The following TEK variants were observed in gnomAD, a reference collection of about 807,000 sequenced individuals.
TEK encodes the protein TEK receptor tyrosine kinase.
TEK carries 43 observed loss-of-function variants against 131.8 expected under a neutral mutation model. The ratio of observed to expected loss-of-function variants is 0.33; its 90% CI spans 0.26 to 0.42. The LOEUF (loss-of-function observed/expected upper bound fraction) is 0.42, where lower values mean the gene tolerates loss of function less well. Among genes scored for constraint, TEK ranks in the 10% least tolerant of loss-of-function variants. The pLI, the probability that TEK is intolerant of heterozygous loss-of-function variation, is 1.00. For missense variants in TEK, 1,162 were observed against 1,384.4 expected (o/e 0.84, Z 2.55); for synonymous variants, 580 against 491.6 (o/e 1.18, Z -2.38).
At chr9:27,144,804 C>T (rs1822855093) in intron 1 of TEK, among the ~76,000 whole-genome samples, 2 of 152,176 alleles carry the variant, frequency 1.3e-5, no homozygotes, top group Admixed American at 1.3e-4. Flanking sequence ...TATGTCCCCT[C>T]TAGTGAGCTG....
intron 16 of TEK, 44 bp downstream of exon 16, chr9:27,209,275 A>C (rs1564099663): frequency 4.3e-6 from 6 of 1,386,436 alleles, no homozygotes; most frequent in Admixed American, 1.7e-5. Flanking sequence ...GTTTTTATAA[A>C]ACAGACAAAT....
rs192172101 is a variant in TEK at position 27,172,505 on chromosome 9, T to C, written c.629-111T>C. 1.5e-4 allele frequency: 215 copies of C among 1,457,506 alleles called. No homozygotes were observed. The African/African-American group carries it at 2.6e-3, about 18-fold the overall frequency. The allele number at this position is 1,457,506 out of a possible 1,614,324, so 90.3% of individuals were successfully genotyped here. A position where few individuals can be genotyped will look rare whatever the true frequency, so the allele number is the denominator to read the frequency against. On this transcript the variant is annotated intron_variant, in intron 4 of 22. Coordinates refer to ENST00000380036, the MANE Select transcript of TEK (RefSeq NM_000459.5). ...CTTTTAGAGAGCAGAGCCTGTATTTTATCTTTATTCACCATTGTCCACTGA... is the reference window on the plus strand; with the variant it reads ...CTTTTAGAGAGCAGAGCCTGTATTTCATCTTTATTCACCATTGTCCACTGA...
chr9:27,199,949 A>C (rs910569606), intron 12 of TEK, among the ~76,000 whole-genome samples: 9 of 152,146 alleles, frequency 5.9e-5, no homozygotes, highest in Non-Finnish European at 1.2e-4. Context: ...GGTCATAAAC[A>C]TATTCTCTGT....
chr9:27,140,396 G>GA lies in TEK; in HGVS notation c.53-17417dup, dbSNP rs59569720. 1.0e-2 allele frequency among the ~76,000 whole-genome samples: 1,133 copies of GA among 113,402 alleles called. 23 individuals are homozygous for GA. In the East Asian group the frequency reaches 0.18, roughly 18 times the overall value. 74.4% of individuals were successfully genotyped at this position (113,402 alleles called of 152,430 possible). On this transcript the variant is annotated intron_variant, in intron 1 of 22. Coordinates refer to ENST00000380036, the MANE Select transcript of TEK (RefSeq NM_000459.5). ...TTGTGAAACTTACATTAGCAAAAAA[G>GA]AAAAAAAAAAAAAAAAAAGAAACAT...
Position 27,115,517 on chromosome 9 carries a change from A to T in TEK, c.52+5875A>T, listed in dbSNP as rs557626373. ...TTGTCTCAAAAAAAACAACAAACAAACAAACGAAACTAAATTGAACATAAA... is the reference window on the plus strand; with the variant it reads ...TTGTCTCAAAAAAAACAACAAACAATCAAACGAAACTAAATTGAACATAAA... On this transcript the variant is annotated intron_variant, in intron 1 of 22. Coordinates refer to ENST00000380036, the MANE Select transcript of TEK (RefSeq NM_000459.5). Among the ~76,000 whole-genome samples, 134 of 152,232 alleles carry T rather than the reference A, an allele frequency of 8.8e-4. 3 individuals carry two copies. In the South Asian group the frequency reaches 0.022, roughly 25 times the overall value.
chr9:27,206,031 GAGAA>G (rs1825387472), intron 14 of TEK, among the ~76,000 whole-genome samples: 2 of 152,328 alleles, frequency 1.3e-5, no homozygotes, highest in Non-Finnish European at 1.5e-5. Context: ...TTGAATTCAG[GAGAA>G]AGAGATACTG....
Position 27,206,700 on chromosome 9 carries a change from A to G in TEK, c.2483A>G (p.Asp828Gly), listed in dbSNP as rs532313466. 1.2e-6 allele frequency: 2 copies of G among 1,614,110 alleles called. No homozygotes were observed. The highest frequency in any genetic ancestry group is 1.1e-5 in the South Asian group (1 of 91,074). The part of the protein sequence containing the change: ...VLDWNDIKFQ[D>G]VIGEGNFGQV... ...GACTGGAATGACATCAAATTTCAAG[A>G]TGTGATTGGGGAGGGCAATTTTGGC... The change falls in exon 15 of 23, where the codon GAT becomes GGT. Residue 828 changes from aspartate to glycine, a missense_variant. Coordinates refer to ENST00000380036, the MANE Select transcript of TEK (RefSeq NM_000459.5).
chr9:27,179,615 A>T (rs1159324389), intron 6 of TEK, among the ~76,000 whole-genome samples: 1 of 152,194 alleles, frequency 6.6e-6, no homozygotes, highest in African/African-American at 2.4e-5. Context: ...GGTAGGATTC[A>T]AACCTCAAAC....
At chr9:27,145,515 A>G (rs746759966) in intron 1 of TEK, among the ~76,000 whole-genome samples, 3 of 152,206 alleles carry the variant, frequency 2.0e-5, no homozygotes, top group Non-Finnish European at 4.4e-5. Context: ...GTGCCATGAT[A>G]ATACCAATAG....
chr9:27,137,244 C>T (rs669441), intron 1 of TEK, among the ~76,000 whole-genome samples: 104,519 of 152,006 alleles, frequency 0.69, 36,112 homozygotes, highest in South Asian at 0.76. Context: ...TAAAACTTCA[C>T]GGATATTTTC....
intron 1 of TEK, among the ~76,000 whole-genome samples, chr9:27,117,228 C>T (rs1821607486): frequency 6.6e-6 from 1 of 152,178 alleles, no homozygotes; most frequent in African/African-American, 2.4e-5. Context: ...GGGCCTGACA[C>T]TGGAGCACCA....
chr9:27,225,848 G>T (rs1226223771), intron 21 of TEK, among the ~76,000 whole-genome samples: 1 of 152,006 alleles, frequency 6.6e-6, no homozygotes, highest in Non-Finnish European at 1.5e-5. Context: ...TCTGACAAAG[G>T]GCTAATATCC....
At chr9:27,119,133 A>G (rs1821683253) in intron 1 of TEK, among the ~76,000 whole-genome samples, 1 of 152,134 alleles carries the variant, frequency 6.6e-6, no homozygotes, top group South Asian at 2.1e-4. Flanking sequence ...ATCCTGACTG[A>G]CCACATGTCT....
At chr9:27,200,440 G>T (rs980913995) in intron 12 of TEK, among the ~76,000 whole-genome samples, 5 of 152,154 alleles carry the variant, frequency 3.3e-5, no homozygotes, top group Non-Finnish European at 5.9e-5. Flanking sequence ...ACTTGCCTTG[G>T]ATGATTGTAT....
At position 27,109,309 on chromosome 9, in the gene TEK, C is replaced by T. The variant is rs1006008890; in HGVS notation, c.-282C>T. On this transcript the variant is annotated 5_prime_UTR_variant, in exon 1 of 23. Coordinates refer to ENST00000380036, the MANE Select transcript of TEK (RefSeq NM_000459.5). Reference sequence around the variant, plus strand: ...TTGATGAATTGCGAGATGGATAGGGCTTGAGTGCCCCCAGCCCTGCTGATA... The same window carrying T: ...TTGATGAATTGCGAGATGGATAGGGTTTGAGTGCCCCCAGCCCTGCTGATA... The T allele has an allele frequency of 7.0e-6, 4 of 568,986 alleles. No homozygotes were observed. The highest frequency in any genetic ancestry group is 5.7e-5 in the African/African-American group (3 of 52,248). 35.2% of individuals were successfully genotyped at this position (568,986 alleles called of 1,614,324 possible).
At chr9:27,129,156 A>C (rs1822113437) in intron 1 of TEK, among the ~76,000 whole-genome samples, 2 of 152,036 alleles carry the variant, frequency 1.3e-5, no homozygotes, top group South Asian at 4.1e-4. Context: ...TCCTATCAAT[A>C]CCTAGTTTAT....
At chr9:27,146,541 A>G (rs1208948064) in intron 1 of TEK, among the ~76,000 whole-genome samples, 2 of 152,120 alleles carry the variant, frequency 1.3e-5, no homozygotes, top group Non-Finnish European at 2.9e-5. Flanking sequence ...GTAGAAGATG[A>G]TTTTAGCTTC....
intron 21 of TEK, among the ~76,000 whole-genome samples, chr9:27,223,195 C>T (rs1312313973): frequency 6.6e-6 from 1 of 152,094 alleles, no homozygotes; most frequent in Non-Finnish European, 1.5e-5. Context: ...TAACACCCCA[C>T]TATCAATATT....
chr9:27,212,931 C>A, intron 17 of TEK, 34 bp downstream of exon 17: 1 of 1,607,058 alleles, frequency 6.2e-7, no homozygotes, highest in Non-Finnish European at 8.5e-7. Context: ...GGATATCTTT[C>A]CTGTGGAGTT....
Sources: gnomAD v4.1 joint callset for allele counts (sites outside exome capture counted in the v4.1 genomes callset) on GRCh38, gnomAD v4.1.1 for gene constraint, MANE v1.5 for transcripts, NCBI Gene and HGNC (gene_info 2026-07-23, HGNC 2026-07-21) for gene names.